The following FRMD4A variants were observed in gnomAD, a reference collection of about 807,000 sequenced individuals.
FRMD4A encodes FERM domain-containing protein 4A.
A neutral mutation model predicts 129.1 loss-of-function variants in FRMD4A; 29 were observed. The ratio of observed to expected loss-of-function variants is 0.22; its 90% CI spans 0.17 to 0.31. The LOEUF (loss-of-function observed/expected upper bound fraction) is 0.31, where lower values mean the gene tolerates loss of function less well. Among genes scored for constraint, FRMD4A ranks in the 10% least tolerant of loss-of-function variants. The pLI is 1.00. For missense variants in FRMD4A, 1,272 were observed against 1,375.8 expected (o/e 0.92, Z 1.19); for synonymous variants, 634 against 571.6 (o/e 1.11, Z -1.56).
At chr10:13,977,260 A>G (rs186535010) in intron 2 of FRMD4A, among the ~76,000 whole-genome samples, 2 of 152,310 alleles carry the variant, frequency 1.3e-5, no homozygotes, top group East Asian at 3.9e-4. Context: ...GGACTTTTCC[A>G]GGTCTTAACT....
At chr10:13,752,261 G>A (rs1037055350) in intron 8 of FRMD4A, among the ~76,000 whole-genome samples, 6 of 152,062 alleles carry the variant, frequency 3.9e-5, no homozygotes, top group East Asian at 1.9e-4. Context: ...TACTCCTCAC[G>A]AAACAAGGAA....
At chr10:13,902,197 A>T (rs1302026541) in intron 2 of FRMD4A, among the ~76,000 whole-genome samples, 3 of 151,846 alleles carry the variant, frequency 2.0e-5, no homozygotes, top group Non-Finnish European at 4.4e-5. Context: ...TTATTTTTAA[A>T]TTTTTTTGTA....
chr10:13,659,139 G>A (rs1357849613), intron 21 of FRMD4A, among the ~76,000 whole-genome samples, 184 bp downstream of exon 21: 2 of 152,162 alleles, frequency 1.3e-5, no homozygotes, highest in East Asian at 3.9e-4. Context: ...CAAGTGCCCT[G>A]TGCATGGGTC....
intron 2 of FRMD4A, among the ~76,000 whole-genome samples, chr10:14,283,485 G>GA (rs1364469355): frequency 2.1e-4 from 32 of 152,222 alleles, no homozygotes; most frequent in African/African-American, 7.7e-4. Context: ...AAACAATCCA[G>GA]ACAAAACAGA....
At chr10:13,893,826 C>T (rs77272944) in intron 2 of FRMD4A, among the ~76,000 whole-genome samples, 3,579 of 152,298 alleles carry the variant, frequency 0.024, 130 homozygotes, top group African/African-American at 0.081. Flanking sequence ...ATACATTTCT[C>T]TTCCAATATT....
At chr10:13,667,371 T>A (rs887834069) in intron 17 of FRMD4A, 2 of 116,378 alleles carry the variant, frequency 1.7e-5, no homozygotes, top group African/African-American at 6.7e-5. Context: ...TCACTTGATG[T>A]CCTTCCCCTC....
intron 2 of FRMD4A, among the ~76,000 whole-genome samples, chr10:14,261,211 T>C (rs1589239085): frequency 6.6e-6 from 1 of 152,196 alleles, no homozygotes; most frequent in East Asian, 1.9e-4. Flanking sequence ...AACCATGATT[T>C]AGGAGGATGT....
rs1448321830 is a variant in FRMD4A, at chr10:13,656,798, A to G, written c.2791T>C (p.Trp931Arg). 1.3e-6 allele frequency: 2 copies of G among 1,589,006 alleles called. No homozygotes were observed. ...TGCGAGGCGGTGGAACGCTGGTACC[A>G]CTGGCGCAGCTCGTCTGAGACGGCG... is the stretch of plus-strand genomic sequence containing the variant. ...RAAVSDELRQ[W>R]YQRSTASHKE... The change falls in exon 22 of 25, where the codon TGG becomes CGG. Residue 931 changes from tryptophan to arginine, a missense_variant. Physicochemically the swap from Trp to Arg is moderately radical, Grantham distance 101. Transcript: ENST00000357447.
At chr10:14,017,369 ACTGTGTAATTGCAC>A (rs1272600556) in intron 2 of FRMD4A, among the ~76,000 whole-genome samples, 2 of 152,154 alleles carry the variant, frequency 1.3e-5, no homozygotes, top group Non-Finnish European at 2.9e-5. Flanking sequence ...CACAGGGTAA[ACTGTGTAATTGCAC>A]CTGGAATGGC....
chr10:13,804,628 C>T (rs1262359211), intron 4 of FRMD4A, among the ~76,000 whole-genome samples: 1 of 151,822 alleles, frequency 6.6e-6, no homozygotes, highest in Non-Finnish European at 1.5e-5. Flanking sequence ...ACTGCAATCT[C>T]CCGCCTCCCG....
chr10:13,714,376 T>C (rs2088563162), intron 12 of FRMD4A, among the ~76,000 whole-genome samples: 1 of 151,578 alleles, frequency 6.6e-6, no homozygotes. Flanking sequence ...TATATGTTTT[T>C]AGTGGGTTGA....
At position 14,044,632 on chromosome 10, in the gene FRMD4A, C is replaced by T. The variant is rs1008701605; in HGVS notation, c.46-185720G>A. 4.6e-5 allele frequency among the ~76,000 whole-genome samples: 7 copies of T among 152,216 alleles called. No homozygotes were observed. In the East Asian group the frequency reaches 7.7e-4, roughly 17 times the overall value. ...GCAGGAGCTGGGAGAGGGCACAGAA[C>T]AGATTTCTCCTGAGCCTTCAGAGGC... On this transcript the variant is annotated intron_variant, in intron 2 of 24. Coordinates refer to ENST00000357447, the MANE Select transcript of FRMD4A (RefSeq NM_018027.5).
At position 13,869,952 on chromosome 10, in the gene FRMD4A, A is replaced by C. The variant is rs141374402; in HGVS notation, c.46-11040T>G. ...TTGGTTCTGCAACTGGAGCAACCGG[A>C]GTCTCTGAAGAGCTACAGAGCCTTA... On this transcript the variant is annotated intron_variant, in intron 2 of 24. Transcript: ENST00000357447. 1.4e-3 allele frequency among the ~76,000 whole-genome samples: 210 copies of C among 152,324 alleles called. 2 individuals carry two copies. The highest frequency in any genetic ancestry group is 0.01 in the Middle Eastern group (3 of 294).
At chr10:13,795,410 G>A (rs1225000643) in intron 5 of FRMD4A, among the ~76,000 whole-genome samples, 1 of 152,200 alleles carries the variant, frequency 6.6e-6, no homozygotes, top group Admixed American at 6.5e-5. Context: ...TGCCAGCTGA[G>A]GAAAAGTCAT....
chr10:13,822,546 G>C (rs2093645143), intron 3 of FRMD4A, among the ~76,000 whole-genome samples: 1 of 152,174 alleles, frequency 6.6e-6, no homozygotes. Context: ...AATAAAGGGT[G>C]GCATATGCAG....
At chr10:14,226,239 T>G (rs561898909) in intron 2 of FRMD4A, among the ~76,000 whole-genome samples, 1 of 152,280 alleles carries the variant, frequency 6.6e-6, no homozygotes, top group Admixed American at 6.5e-5. Flanking sequence ...GCCCCGCATG[T>G]TTTCCCTGGG....
At position 14,191,805 on chromosome 10, in the gene FRMD4A, T is replaced by TC. The variant is rs1491523483; in HGVS notation, c.45+138252_45+138253insG. ...CAGCTCAACTGGCTGTTTTTTTTTTTTCTCTCTCTCTCTCTCTCTCCTGGC... is the reference window on the plus strand; with the variant it reads ...CAGCTCAACTGGCTGTTTTTTTTTTTCTCTCTCTCTCTCTCTCTCTCCTGGC... On this transcript the variant is annotated intron_variant, in intron 2 of 24. Transcript: ENST00000357447. 7.5e-3 allele frequency among the ~76,000 whole-genome samples: 1,053 copies of TC among 140,910 alleles called. 7 individuals are homozygous for TC. Among genetic ancestry groups the TC allele is most frequent in the South Asian group, 0.045 (196 of 4,400 alleles). 92.4% of individuals were successfully genotyped at this position (140,910 alleles called of 152,430 possible).
intron 2 of FRMD4A, among the ~76,000 whole-genome samples, chr10:13,876,684 G>T (rs1354308098): frequency 1.3e-5 from 2 of 151,462 alleles, no homozygotes; most frequent in African/African-American, 4.9e-5. Flanking sequence ...TACAACTATG[G>T]GTCTTATTAT....
chr10:13,944,508 G>T (rs934689583), intron 2 of FRMD4A, among the ~76,000 whole-genome samples: 8 of 152,040 alleles, frequency 5.3e-5, no homozygotes, highest in Non-Finnish European at 1.0e-4. Context: ...TAAATGTAAT[G>T]TGCTTAAATC....
Sources: gnomAD v4.1 joint callset for allele counts (sites outside exome capture counted in the v4.1 genomes callset) on GRCh38, gnomAD v4.1.1 for gene constraint, MANE v1.5 for transcripts, NCBI Gene and HGNC (gene_info 2026-07-23, HGNC 2026-07-21) for gene names.